The following STK38L variants were observed in gnomAD, a reference collection of about 807,000 sequenced individuals.
STK38L encodes serine/threonine-protein kinase 38-like.
Under a neutral mutation model 59.7 loss-of-function variants are expected in STK38L, and 28 were observed. That is an observed-to-expected ratio of 0.47 (90% CI 0.35 to 0.64). The LOEUF is 0.64. STK38L is among the 30% of genes least tolerant of loss of function. STK38L has a pLI of 0.01. For synonymous variants in STK38L, 162 were observed against 176.8 expected (o/e 0.92, Z 0.66); for missense variants, 314 against 555.8 (o/e 0.56, Z 4.37).
chr12:27,309,337 T>G (rs1203020262), intron 5 of STK38L, 140 bp downstream of exon 5: 4 of 417,262 alleles, frequency 9.6e-6, no homozygotes, highest in African/African-American at 2.1e-5. Context: ...GTTTTAGTGT[T>G]TCTCAGTTCT....
intron 1 of STK38L, among the ~76,000 whole-genome samples, chr12:27,296,551 G>A (rs1944027130): frequency 6.6e-6 from 1 of 152,144 alleles, no homozygotes; most frequent in Admixed American, 6.5e-5. Flanking sequence ...CCACATCCAG[G>A]GCTCTGTATC....
intron 1 of STK38L, among the ~76,000 whole-genome samples, chr12:27,272,075 A>G (rs1276970604): frequency 2.6e-5 from 4 of 152,214 alleles, no homozygotes; most frequent in Admixed American, 6.5e-5. Context: ...TCAAAAAGCA[A>G]CTTTCATTAA....
rs896117223 is a variant in STK38L at position 27,276,255 on chromosome 12, C to G, written c.-11-21455C>G. On this transcript the variant is annotated intron_variant, in intron 1 of 13. Coordinates refer to ENST00000389032, the MANE Select transcript of STK38L (RefSeq NM_015000.4). ...CCTTCGCATTATTTTGCAGTAAATC[C>G]TTGATGTTGTATGATTTAATCTGGA... 3.3e-5 allele frequency among the ~76,000 whole-genome samples: 5 copies of G among 151,976 alleles called. No homozygotes were observed. In the South Asian group the frequency reaches 1.0e-3, roughly 32 times the overall value.
chr12:27,256,691 G>C (rs953929029), intron 1 of STK38L, among the ~76,000 whole-genome samples: 2 of 152,190 alleles, frequency 1.3e-5, no homozygotes, highest in Non-Finnish European at 2.9e-5. Context: ...GTGCTAACTG[G>C]AAAGTGTTTC....
At chr12:27,252,751 G>A (rs148179555) in intron 1 of STK38L, among the ~76,000 whole-genome samples, 2 of 152,234 alleles carry the variant, frequency 1.3e-5, no homozygotes, top group African/African-American at 4.8e-5. Context: ...GTACTGAATT[G>A]CATGTATATG....
At chr12:27,281,992 C>T (rs553112395) in intron 1 of STK38L, among the ~76,000 whole-genome samples, 7 of 152,240 alleles carry the variant, frequency 4.6e-5, no homozygotes, top group East Asian at 3.9e-4. Context: ...GCCAAGATCA[C>T]GCCATTGCAC....
intron 9 of STK38L, 137 bp downstream of exon 9, chr12:27,315,487 G>C (rs558782765): frequency 1.5e-6 from 1 of 681,198 alleles, no homozygotes; most frequent in Admixed American, 3.4e-5. Flanking sequence ...GGATCACACA[G>C]TTTTCTTAGT....
chr12:27,290,781 G>C (rs925032574), intron 1 of STK38L, among the ~76,000 whole-genome samples: 1 of 152,206 alleles, frequency 6.6e-6, no homozygotes, highest in Non-Finnish European at 1.5e-5. Context: ...CTCTGCTCCA[G>C]CTGTCATTGT....
intron 1 of STK38L, among the ~76,000 whole-genome samples, chr12:27,272,307 A>G (rs763649562): frequency 2.1e-4 from 32 of 152,232 alleles, no homozygotes; most frequent in South Asian, 2.1e-4. Context: ...TGGAATGACC[A>G]TGTATAGGAA....
chr12:27,303,916 C>T (rs1276655543), intron 3 of STK38L, among the ~76,000 whole-genome samples: 1 of 152,018 alleles, frequency 6.6e-6, no homozygotes, highest in African/African-American at 2.4e-5. Context: ...GAATAGTTTA[C>T]TAAAAAAGGT....
chr12:27,248,389 G>A (rs994357826), intron 1 of STK38L, among the ~76,000 whole-genome samples: 2 of 152,160 alleles, frequency 1.3e-5, no homozygotes, highest in Non-Finnish European at 2.9e-5. Context: ...TCTTGTATAG[G>A]CCTACTCAGT....
chr12:27,265,114 A>G (rs1298568837), intron 1 of STK38L, among the ~76,000 whole-genome samples: 2 of 152,186 alleles, frequency 1.3e-5, no homozygotes, highest in East Asian at 3.8e-4. Flanking sequence ...GATAAAAGGC[A>G]TGTAAGGCTG....
In STK38L at chr12:27,325,435, A is replaced by T. The variant is rs1346601854; in HGVS notation, c.*2980A>T. The T allele has an allele frequency of 5.3e-5, 8 of 152,192 alleles. No individual in the cohort carries two copies. The highest frequency in any genetic ancestry group is 5.2e-4 in the Admixed American group (8 of 15,288). 9.4% of individuals were successfully genotyped at this position (152,192 alleles called of 1,614,324 possible). On this transcript the variant is annotated 3_prime_UTR_variant, in exon 14 of 14. Coordinates refer to ENST00000389032, the MANE Select transcript of STK38L (RefSeq NM_015000.4). The stretch of plus-strand genomic sequence containing the variant: ...TGTATAAAACCTTAGACAATCAATC[A>T]GTCAGTCTTTACTGACAGGAGCAGC...
intron 9 of STK38L, among the ~76,000 whole-genome samples, chr12:27,316,750 T>G (rs1944594740): frequency 1.3e-5 from 2 of 152,356 alleles, no homozygotes; most frequent in East Asian, 1.9e-4. Flanking sequence ...GGAATTACAT[T>G]TATAATGAAA....
intron 1 of STK38L, among the ~76,000 whole-genome samples, chr12:27,254,189 G>A (rs562693062): frequency 7.2e-5 from 11 of 152,300 alleles, no homozygotes; most frequent in African/African-American, 2.6e-4. Flanking sequence ...GGGGATTGTG[G>A]TAGGAACATG....
At position 27,319,441 on chromosome 12, in the gene STK38L, G is replaced by C. The variant is rs1269840722; in HGVS notation, c.1175+18G>C. 1 of 1,586,282 alleles carries C rather than the reference G, an allele frequency of 6.3e-7. No individual in the cohort carries two copies. The highest frequency in any genetic ancestry group is 8.6e-7 in the Non-Finnish European group (1 of 1,159,886). ...CACATAAGGTATGTTCCTAGGCTTT[G>C]AATGGGAAAGGTCTGAGTAAAAACA... On this transcript the variant is annotated intron_variant, in intron 12 of 13. Coordinates refer to ENST00000389032, the MANE Select transcript of STK38L (RefSeq NM_015000.4).
intron 12 of STK38L, among the ~76,000 whole-genome samples, chr12:27,321,562 A>G (rs1033094163): frequency 6.6e-6 from 1 of 152,182 alleles, no homozygotes; most frequent in African/African-American, 2.4e-5. Flanking sequence ...CAATTATACA[A>G]TCTTTTAAAT....
intron 1 of STK38L, among the ~76,000 whole-genome samples, chr12:27,275,341 T>TC (rs1565532153): frequency 9.6e-6 from 1 of 103,718 alleles, no homozygotes; most frequent in Non-Finnish European, 2.3e-5. Context: ...TTAGACTGCA[T>TC]CTTTTTTTTT....
At chr12:27,280,917 G>A (rs1317600930) in intron 1 of STK38L, among the ~76,000 whole-genome samples, 2 of 152,138 alleles carry the variant, frequency 1.3e-5, no homozygotes, top group African/African-American at 4.8e-5. Flanking sequence ...AAGGTTAGAC[G>A]AGTTGATCCT....
Sources: allele counts gnomAD v4.1 joint callset (sites outside exome capture counted in the v4.1 genomes callset), GRCh38; gene constraint gnomAD v4.1.1; transcripts MANE v1.5; gene names NCBI Gene and HGNC (gene_info 2026-07-23, HGNC 2026-07-21).